Variants in KIAA1671 observed in about 807,000 individuals in gnomAD.
KIAA1671 encodes KIAA1671.
Under a neutral mutation model 131.2 loss-of-function variants are expected in KIAA1671, and 52 were observed. The observed-to-expected ratio is 0.40, with a 90% CI of 0.32 to 0.50. The LOEUF is 0.50. Ranked by LOEUF, KIAA1671 falls within the 20% of genes least tolerant of loss-of-function variation. The pLI, the probability that KIAA1671 is intolerant of heterozygous loss-of-function variation, is 0.73. For missense variants in KIAA1671, 2,360 were observed against 2,364.2 expected (o/e 1.00, Z 0.04); for synonymous variants, 1,003 against 961.6 (o/e 1.04, Z -0.80).
intron 1 of KIAA1671, among the ~76,000 whole-genome samples, chr22:24,989,870 C>CA (rs1923747886): frequency 6.6e-6 from 1 of 151,760 alleles, no homozygotes; most frequent in Admixed American, 6.6e-5. Context: ...GAGATTTGAA[C>CA]AAAAAAAGGC....
At position 25,031,154 on chromosome 22, in the gene KIAA1671, G is replaced by A. The variant is rs572945398; in HGVS notation, c.1542-1455G>A. On this transcript the variant is annotated intron_variant, in intron 3 of 12. Transcript: ENST00000358431. ...TGATTCTCCTGCCTCAGCCTCCGCA[G>A]TAGCTGGGATTACAGGCACGCGCCA... Among the ~76,000 whole-genome samples, 45 of 151,152 alleles carry A rather than the reference G, an allele frequency of 3.0e-4. 1 individual carries two copies. The South Asian group carries it at 9.4e-3, about 32-fold the overall frequency.
intron 1 of KIAA1671, among the ~76,000 whole-genome samples, chr22:24,994,258 AAG>A (rs900685432): frequency 3.9e-5 from 6 of 152,088 alleles, no homozygotes; most frequent in African/African-American, 1.2e-4. Context: ...GATTCTAGGA[AAG>A]AGTGGTGTCA....
At chr22:25,186,713 C>T (rs1390057267) in intron 11 of KIAA1671, among the ~76,000 whole-genome samples, 1 of 152,260 alleles carries the variant, frequency 6.6e-6, no homozygotes, top group Non-Finnish European at 1.5e-5. Context: ...AAAGCCACTG[C>T]ACATGCAAAG....
At chr22:24,999,710 GCACCA>G (rs1407246319) in intron 1 of KIAA1671, among the ~76,000 whole-genome samples, 4 of 145,736 alleles carry the variant, frequency 2.7e-5, no homozygotes, top group Admixed American at 2.1e-4. Context: ...CTACAGGCAT[GCACCA>G]CTATGCCTGG....
chr22:25,188,877 T>C (rs1392523640), intron 11 of KIAA1671, among the ~76,000 whole-genome samples: 1 of 152,024 alleles, frequency 6.6e-6, no homozygotes, highest in Non-Finnish European at 1.5e-5. Flanking sequence ...CAGAAGAAAA[T>C]CCAAGTGGAC....
chr22:25,092,946 G>T (rs144329344), intron 6 of KIAA1671, among the ~76,000 whole-genome samples: 29 of 152,314 alleles, frequency 1.9e-4, no homozygotes, highest in Middle Eastern at 3.4e-3. Flanking sequence ...CCTCCCAGAT[G>T]CAGGGAACAG....
intron 1 of KIAA1671, among the ~76,000 whole-genome samples, chr22:24,990,293 G>T (rs974958373): frequency 2.0e-5 from 3 of 152,068 alleles, no homozygotes; most frequent in Non-Finnish European, 4.4e-5. Context: ...GTTTCACTCT[G>T]TTGGCCATGC....
At chr22:24,973,309 AG>A (rs1220354595) in intron 1 of KIAA1671, among the ~76,000 whole-genome samples, 1 of 150,824 alleles carries the variant, frequency 6.6e-6, no homozygotes, top group East Asian at 1.9e-4. Flanking sequence ...GGTGGCACAC[AG>A]GAAAGGACAG....
intron 1 of KIAA1671, among the ~76,000 whole-genome samples, chr22:24,992,541 G>A (rs1012666086): frequency 3.9e-5 from 6 of 152,060 alleles, no homozygotes; most frequent in African/African-American, 7.2e-5. Context: ...ATGGCCAGGC[G>A]TGGTGGCTCA....
intron 1 of KIAA1671, among the ~76,000 whole-genome samples, chr22:25,017,051 G>A (rs756648848): frequency 5.9e-5 from 9 of 152,084 alleles, no homozygotes; most frequent in Non-Finnish European, 1.0e-4. Context: ...CATAGAAAAG[G>A]GTGGTAACTT....
intron 6 of KIAA1671, among the ~76,000 whole-genome samples, chr22:25,093,679 C>A: frequency 7.9e-6 from 1 of 127,000 alleles, no homozygotes; most frequent in South Asian, 2.6e-4. Flanking sequence ...TTCCCTGCCC[C>A]CCGACACACA....
intron 6 of KIAA1671, among the ~76,000 whole-genome samples, chr22:25,109,046 C>T (rs1931189290): frequency 6.6e-6 from 1 of 152,106 alleles, no homozygotes; most frequent in Non-Finnish European, 1.5e-5. Flanking sequence ...CCAGTATGAC[C>T]TCAGAGAAGA....
chr22:25,180,036 TC>T (rs1568995259), intron 9 of KIAA1671, among the ~76,000 whole-genome samples: 3 of 151,686 alleles, frequency 2.0e-5, no homozygotes, highest in African/African-American at 7.2e-5. Context: ...GAAAGAACAT[TC>T]TGAAAGAGGC....
rs73399832 is a variant in KIAA1671, at chr22:25,111,257, A to T, written c.4531-59563A>T. ...ACACACAGAGTGCACACACATGCACACACGTGCAGCCGCATTTCCTGGTGC... is the reference window on the plus strand; with the variant it reads ...ACACACAGAGTGCACACACATGCACTCACGTGCAGCCGCATTTCCTGGTGC... On this transcript the variant is annotated intron_variant, in intron 6 of 12. Transcript: ENST00000358431. Among the ~76,000 whole-genome samples the T allele has an allele frequency of 2.6e-3, 398 of 152,342 alleles. 4 individuals are homozygous for T. The South Asian group carries it at 0.031, about 12-fold the overall frequency.
chr22:25,043,386 G>GA (rs1219179978), intron 5 of KIAA1671, among the ~76,000 whole-genome samples: 38 of 151,952 alleles, frequency 2.5e-4, no homozygotes, highest in South Asian at 6.2e-4. Context: ...CAGATGGGGG[G>GA]AAAAAAACAG....
intron 1 of KIAA1671, among the ~76,000 whole-genome samples, chr22:24,975,971 C>G (rs1212855596): frequency 6.6e-6 from 1 of 152,260 alleles, no homozygotes; most frequent in African/African-American, 2.4e-5. Flanking sequence ...CGCCACTATT[C>G]AGCGTGGGCT....
In KIAA1671 at chr22:25,029,214, C is replaced by G. The variant is rs370399500; in HGVS notation, c.1215C>G (p.Pro405=). ...AGAAGGCTGCTGAGTCCCCCTCACCCAGGCTGGGAAGGGGCCTAGAACTTG... is the reference window on the plus strand; with the variant it reads ...AGAAGGCTGCTGAGTCCCCCTCACCGAGGCTGGGAAGGGGCCTAGAACTTG... ...EPEKAAESPS[P]RLGRGLELAE... is the part of the protein sequence containing the mutation. Residue 405 remains proline (P), a synonymous_variant, in exon 3 of 13, where the codon CCC becomes CCG. Transcript: ENST00000358431. 5,249 of 1,460,152 alleles carry G rather than the reference C, an allele frequency of 3.6e-3. 203 individuals are homozygous for G. In the South Asian group the frequency reaches 0.065, roughly 18 times the overall value. The allele number at this position is 1,460,152 out of a possible 1,614,324, so 90.4% of individuals were successfully genotyped here.
Position 25,108,841 on chromosome 22 carries a change from C to T in KIAA1671, c.4530+59477C>T, listed in dbSNP as rs372033395. Among the ~76,000 whole-genome samples the T allele has an allele frequency of 2.1e-4, 32 of 152,204 alleles. No individual in the cohort carries two copies. In the East Asian group the frequency reaches 5.0e-3, roughly 24 times the overall value. On this transcript the variant is annotated intron_variant, in intron 6 of 12. Coordinates refer to ENST00000358431, the MANE Select transcript of KIAA1671 (RefSeq NM_001145206.2). ...GACTGTGACTTGGAATTTCTTATGA[C>T]GTTGTACTCAAGATACTGGCCAGGT... is the stretch of plus-strand genomic sequence containing the variant.
Position 25,028,786 on chromosome 22 carries a change from A to G in KIAA1671, c.787A>G (p.Thr263Ala). The part of the protein sequence containing the change: ...PQKPGPGAAA[T>A]VGKVPPTPPE... Reference sequence around the variant, plus strand: ...GAAGCCAGGCCCCGGCGCAGCGGCCACAGTGGGCAAAGTGCCACCCACCCC... The same window carrying G: ...GAAGCCAGGCCCCGGCGCAGCGGCCGCAGTGGGCAAAGTGCCACCCACCCC... Residue 263 changes from threonine (T) to alanine (A), a missense_variant, in exon 3 of 13, where the codon ACA (threonine) becomes GCA (alanine). This residue lies in a region of KIAA1671 where 1,185 missense variants were observed against 1,126.2 expected (regional missense o/e 1.05). Coordinates refer to ENST00000358431, the MANE Select transcript of KIAA1671 (RefSeq NM_001145206.2). 1.3e-6 allele frequency: 2 copies of G among 1,551,326 alleles called. No homozygotes were observed. Among genetic ancestry groups the G allele is most frequent in the South Asian group, 2.4e-5 (2 of 84,064 alleles).
Sources: allele counts gnomAD v4.1 joint callset (sites outside exome capture counted in the v4.1 genomes callset), GRCh38; gene constraint gnomAD v4.1.1; regional missense constraint gnomAD v4.1.1; transcripts MANE v1.5; gene names NCBI Gene and HGNC (gene_info 2026-07-23, HGNC 2026-07-21).